The following ESRP1 variants were observed in gnomAD, a reference collection of about 807,000 sequenced individuals.
ESRP1 encodes the protein epithelial splicing regulatory protein 1, also known as RNA-binding motif protein 35A.
ESRP1 carries 33 observed loss-of-function variants against 81.7 expected under a neutral mutation model. The observed-to-expected ratio is 0.40, with a 90% CI of 0.31 to 0.54. The LOEUF is 0.54. Ranked by LOEUF, ESRP1 falls within the 20% of genes least tolerant of loss-of-function variation. The probability of loss-of-function intolerance (pLI) is 0.41; values close to 1 mark genes in which losing one functional copy is unlikely to be tolerated. For synonymous variants in ESRP1, 320 were observed against 303.3 expected (o/e 1.06, Z -0.57); for missense variants, 672 against 833.1 (o/e 0.81, Z 2.38).
intron 6 of ESRP1, among the ~76,000 whole-genome samples, chr8:94,663,303 C>T (rs1159215727): frequency 1.3e-5 from 2 of 151,968 alleles, no homozygotes; most frequent in African/African-American, 2.4e-5. Context: ...TGGAATATCG[C>T]GGTGTGATCT....
chr8:94,674,546 T>C (rs778608000), intron 12 of ESRP1, 40 bp downstream of exon 12: 3 of 1,553,906 alleles, frequency 1.9e-6, no homozygotes, highest in Non-Finnish European at 2.6e-6. Flanking sequence ...CTACGCTATA[T>C]GCTGGTAGGT....
At chr8:94,669,835 C>G (rs1158279261) in intron 10 of ESRP1, among the ~76,000 whole-genome samples, 2 of 146,258 alleles carry the variant, frequency 1.4e-5, no homozygotes, top group African/African-American at 5.1e-5. Context: ...ACGCTGCACT[C>G]TAGCCTGGGC....
chr8:94,681,804 G>C (rs1808900290), intron 13 of ESRP1, among the ~76,000 whole-genome samples: 1 of 151,808 alleles, frequency 6.6e-6, no homozygotes. Flanking sequence ...CATGGTGGTG[G>C]GCACCTATAG....
intron 3 of ESRP1, among the ~76,000 whole-genome samples, chr8:94,643,845 ATCC>A (rs1563514754): frequency 6.6e-6 from 1 of 152,232 alleles, no homozygotes; most frequent in East Asian, 1.9e-4. Flanking sequence ...ATGTCATAAT[ATCC>A]TCATTTGTGT....
At chr8:94,695,591 C>T (rs1340066963) in intron 14 of ESRP1, among the ~76,000 whole-genome samples, 2 of 151,612 alleles carry the variant, frequency 1.3e-5, no homozygotes, top group Admixed American at 6.6e-5. Context: ...TCTCGAACTC[C>T]TGACCTCGTG....
intron 12 of ESRP1, among the ~76,000 whole-genome samples, chr8:94,677,215 A>T (rs1808682318): frequency 6.6e-6 from 1 of 152,194 alleles, no homozygotes. Context: ...ATAAGAACAA[A>T]AGACAATTTG....
At chr8:94,641,543 A>T in intron 1 of ESRP1, 93 bp downstream of exon 1, 1 of 1,554,058 alleles carries the variant, frequency 6.4e-7, no homozygotes, top group Non-Finnish European at 8.8e-7. Context: ...GTAAGTAAAT[A>T]AGTGCTCTTG....
intron 13 of ESRP1, chr8:94,688,537 C>A: frequency 4.7e-6 from 1 of 212,978 alleles, no homozygotes; most frequent in Non-Finnish European, 9.8e-6. Flanking sequence ...ATACTGACAA[C>A]TTCGGCTGGC....
intron 1 of ESRP1, 49 bp from the exon 2 acceptor site, chr8:94,641,907 G>A (rs754143161): frequency 6.2e-7 from 1 of 1,605,130 alleles, no homozygotes; most frequent in South Asian, 1.1e-5. Context: ...GGTGCAGAAA[G>A]AGGCTCCGAA....
intron 10 of ESRP1, among the ~76,000 whole-genome samples, chr8:94,671,150 T>C (rs1199175633): frequency 6.6e-6 from 1 of 152,244 alleles, no homozygotes; most frequent in African/African-American, 2.4e-5. Flanking sequence ...TTGTTACAGG[T>C]AGACACTAAC....
At position 94,671,514 on chromosome 8, in the gene ESRP1, T is replaced by C. The variant is rs1321203403; in HGVS notation, c.1295T>C (p.Val432Ala). Residue 432 changes from valine (V) to alanine (A), a missense_variant, in exon 11 of 16, where the codon GTA becomes GCA. Physicochemically the swap from Val to Ala is moderately conservative, Grantham distance 64. Coordinates refer to ENST00000433389, the MANE Select transcript of ESRP1 (RefSeq NM_017697.4). ...IPLPTPPIIP[V>A]LPQQFVPPTN... ...CTTCCAACCCCTCCCATTATTCCAGTACTACCTCAGCAATTTGTGCCCCCT... is the reference window on the plus strand; with the variant it reads ...CTTCCAACCCCTCCCATTATTCCAGCACTACCTCAGCAATTTGTGCCCCCT... The C allele has an allele frequency of 6.2e-7, 1 of 1,613,808 alleles. No homozygotes were observed. The highest frequency in any genetic ancestry group is 8.5e-7 in the Non-Finnish European group (1 of 1,179,876).
At chr8:94,703,829 T>C (rs916051575) in intron 15 of ESRP1, among the ~76,000 whole-genome samples, 4 of 152,176 alleles carry the variant, frequency 2.6e-5, no homozygotes, top group African/African-American at 9.6e-5. Context: ...CTTGTTTGGC[T>C]CAGTGGTAAA....
intron 15 of ESRP1, among the ~76,000 whole-genome samples, chr8:94,699,984 C>T (rs1424876958): frequency 6.6e-6 from 1 of 151,976 alleles, no homozygotes; most frequent in Non-Finnish European, 1.5e-5. Flanking sequence ...GTACTTATAT[C>T]CACAGTTTCA....
intron 13 of ESRP1, 41 bp from the exon 14 acceptor site, chr8:94,692,636 T>C: frequency 6.3e-7 from 1 of 1,588,348 alleles, no homozygotes; most frequent in Non-Finnish European, 8.6e-7. Context: ...TATTCAACAT[T>C]GTCTATTCCT....
At chr8:94,660,569 T>A (rs1289250014) in intron 4 of ESRP1, among the ~76,000 whole-genome samples, 1 of 151,748 alleles carries the variant, frequency 6.6e-6, no homozygotes, top group Non-Finnish European at 1.5e-5. Context: ...TGAAACCCCA[T>A]CTCTATAAAA....
intron 13 of ESRP1, among the ~76,000 whole-genome samples, chr8:94,692,119 T>C (rs1809425899): frequency 6.6e-6 from 1 of 152,186 alleles, no homozygotes; most frequent in African/African-American, 2.4e-5. Flanking sequence ...TCTTCCAACG[T>C]CCGCCACCCC....
Position 94,662,542 on chromosome 8 carries a change from G to A in ESRP1, c.631G>A (p.Glu211Lys). ...SDPERVNYKFESGTCSKMELI... is the reference protein window; with the variant it reads ...SDPERVNYKFKSGTCSKMELI... ...TCCAGAGAGAGTGAATTACAAGTTT[G>A]AAAGTGGAACTTGGTAAGTGCTTGA... is the stretch of plus-strand genomic sequence containing the variant. Residue 211 changes from glutamate (E) to lysine (K), a missense_variant, in exon 6 of 16, where the codon GAA becomes AAA. Coordinates refer to ENST00000433389, the MANE Select transcript of ESRP1 (RefSeq NM_017697.4). 6.2e-7 allele frequency: 1 copy of A among 1,607,704 alleles called. No homozygotes were observed. The highest frequency in any genetic ancestry group is 1.7e-5 in the Admixed American group (1 of 59,368).
intron 4 of ESRP1, among the ~76,000 whole-genome samples, chr8:94,660,671 C>T (rs897557488): frequency 8.5e-6 from 1 of 117,486 alleles, no homozygotes; most frequent in African/African-American, 3.3e-5. Context: ...GAGGTTGTGC[C>T]ACTGCATTCC....
At chr8:94,673,103 C>T (rs918138738) in intron 11 of ESRP1, among the ~76,000 whole-genome samples, 1 of 152,198 alleles carries the variant, frequency 6.6e-6, no homozygotes, top group Admixed American at 6.5e-5. Context: ...CATTCTAAGT[C>T]TTCAGTCAAT....
Sources: gnomAD v4.1 joint callset for allele counts (sites outside exome capture counted in the v4.1 genomes callset) on GRCh38, gnomAD v4.1.1 for gene constraint, MANE v1.5 for transcripts, NCBI Gene and HGNC (gene_info 2026-07-23, HGNC 2026-07-21) for gene names.